The following PIK3CD variants were observed in gnomAD, a reference collection of about 807,000 sequenced individuals.
PIK3CD encodes phosphatidylinositol 4,5-bisphosphate 3-kinase catalytic subunit delta isoform.
In PIK3CD, 20 loss-of-function variants were observed where a neutral mutation model predicts 122.9. That is an observed-to-expected ratio of 0.16 (90% CI 0.11 to 0.24). The LOEUF (loss-of-function observed/expected upper bound fraction) is 0.24. Ranked by LOEUF, PIK3CD falls within the 10% of genes least tolerant of loss-of-function variation. The pLI is 1.00. For synonymous variants in PIK3CD, 596 were observed against 593.4 expected (o/e 1.00, Z -0.06); for missense variants, 787 against 1,406.3 (o/e 0.56, Z 7.04).
At chr1:9,646,727 C>T in the PIK3CD span, among the ~76,000 whole-genome samples, 3 of 151,742 alleles carry the variant, frequency 2.0e-5, no homozygotes, top group South Asian at 2.1e-4. Context: ...CCGAGGCGGG[C>T]GGATCACCTG....
upstream of PIK3CD, among the ~76,000 whole-genome samples, chr1:9,649,695 G>A (rs1020128235): frequency 1.3e-5 from 2 of 152,238 alleles, no homozygotes; most frequent in African/African-American, 4.8e-5. Context: ...CTGGATTGAA[G>A]AGGGTCCTTT....
chr1:9,647,481 A>ATT (rs143700434), upstream of PIK3CD, among the ~76,000 whole-genome samples: 4 of 139,438 alleles, frequency 2.9e-5, no homozygotes, highest in Admixed American at 7.3e-5. Flanking sequence ...TCATGATTCT[A>ATT]ATTATTATTA....
the PIK3CD span, among the ~76,000 whole-genome samples, chr1:9,643,189 A>C: frequency 6.6e-6 from 1 of 152,080 alleles, no homozygotes; most frequent in East Asian, 1.9e-4. Flanking sequence ...CAGGTGGATC[A>C]CCGGAGGTCG....
At chr1:9,713,009 C>G (rs1647118449) in intron 3 of PIK3CD, among the ~76,000 whole-genome samples, 1 of 152,040 alleles carries the variant, frequency 6.6e-6, no homozygotes, top group Non-Finnish European at 1.5e-5. Context: ...AGGTGAATCC[C>G]CATCTCTACT....
chr1:9,726,097 C>T (rs1182044849), intron 23 of PIK3CD, among the ~76,000 whole-genome samples: 2 of 152,102 alleles, frequency 1.3e-5, no homozygotes, highest in Non-Finnish European at 2.9e-5. Flanking sequence ...CCTGTAATCC[C>T]AGCTACTCAT....
chr1:9,715,538 C>T lies in PIK3CD; in HGVS notation c.142-3C>T, dbSNP rs201635199. On this transcript the variant is annotated splice_polypyrimidine_tract_variant and splice_region_variant and intron_variant, in intron 3 of 23. Transcript: ENST00000377346. This position sits in a 1 kb window ranked among gnomAD's most constrained non-coding sequence, Gnocchi z 4.1. ...AGGGGCTGACCGGTGACTGTCCCTC[C>T]AGCTGCTGTGGCACCGCGCCCAGTA... The T allele has an allele frequency of 2.4e-5, 39 of 1,612,722 alleles. No individual in the cohort carries two copies. In the African/African-American group the frequency reaches 4.4e-4, roughly 18 times the overall value.
intron 23 of PIK3CD, 147 bp from the exon 24 acceptor site, chr1:9,726,762 G>A (rs186126613): frequency 4.0e-6 from 4 of 994,636 alleles, no homozygotes; most frequent in Admixed American, 4.6e-5. Context: ...ATTTGAGGGT[G>A]GGAGCGGAAT....
chr1:9,678,923 C>T (rs1456575624), intron 1 of PIK3CD, among the ~76,000 whole-genome samples: 4 of 152,172 alleles, frequency 2.6e-5, no homozygotes, highest in Non-Finnish European at 5.9e-5. Flanking sequence ...ACTGTATCAT[C>T]GGCTCATTTC....
intron 1 of PIK3CD, among the ~76,000 whole-genome samples, chr1:9,655,425 T>TA (rs1644819525): frequency 6.9e-6 from 1 of 144,898 alleles, no homozygotes; most frequent in African/African-American, 2.6e-5. Flanking sequence ...ATGGAAAAAA[T>TA]AAAAAACCCA....
chr1:9,649,366 A>C (rs1198099525), upstream of PIK3CD, among the ~76,000 whole-genome samples: 1 of 151,784 alleles, frequency 6.6e-6, no homozygotes, highest in Non-Finnish European at 1.5e-5. Context: ...GAGAATCTGG[A>C]ACTACAGGTG....
Position 9,689,629 on chromosome 1 carries a change from T to A in PIK3CD, c.-137-1838T>A, listed in dbSNP as rs1369464014. On this transcript the variant is annotated intron_variant, in intron 1 of 23. Transcript: ENST00000377346. This position sits in a 1 kb window ranked among gnomAD's most constrained non-coding sequence, Gnocchi z 6.1. ...CGGCCCCGCGCCGCTGCCCGGAGGC[T>A]GGCGTCTTCCCGTCACTCCGGGACC... Among the ~76,000 whole-genome samples, 17 of 150,936 alleles carry A rather than the reference T, an allele frequency of 1.1e-4. No homozygotes were observed. The highest frequency in any genetic ancestry group is 1.1e-3 in the Admixed American group (17 of 15,182).
intron 13 of PIK3CD, 108 bp downstream of exon 13, chr1:9,721,017 A>T: frequency 7.0e-7 from 1 of 1,422,132 alleles, no homozygotes; most frequent in Non-Finnish European, 9.6e-7. Flanking sequence ...GCCAACCTTC[A>T]CCCTGACCCT....
rs942727663 is a variant in PIK3CD at position 9,688,669 on chromosome 1, T to A, written c.-137-2798T>A. Among the ~76,000 whole-genome samples, 14 of 152,140 alleles carry A rather than the reference T, an allele frequency of 9.2e-5. No homozygotes were observed. The East Asian group carries it at 1.9e-3, about 21-fold the overall frequency. On this transcript the variant is annotated intron_variant, in intron 1 of 23. Coordinates refer to ENST00000377346, the MANE Select transcript of PIK3CD (RefSeq NM_005026.5). Reference sequence around the variant, plus strand: ...GTTAGACCCCCGCCTCTACAAAAAATTTTAAAAAATTAGCTGAGTGAGGTG... The same window carrying A: ...GTTAGACCCCCGCCTCTACAAAAAAATTTAAAAAATTAGCTGAGTGAGGTG...
intron 14 of PIK3CD, 65 bp from the exon 15 acceptor site, chr1:9,721,379 C>T: frequency 6.2e-7 from 1 of 1,609,434 alleles, no homozygotes; most frequent in Non-Finnish European, 8.5e-7. Context: ...CCTCTGGCTG[C>T]CGAGGGAGCT....
the PIK3CD span, among the ~76,000 whole-genome samples, chr1:9,637,455 G>T: frequency 6.6e-6 from 1 of 152,178 alleles, no homozygotes; most frequent in African/African-American, 2.4e-5. Context: ...GATCGAGGCT[G>T]CACTGAGCCA....
chr1:9,717,744 A>C lies in PIK3CD; in HGVS notation c.1020+118A>C, dbSNP rs1570367349. The C allele has an allele frequency of 1.1e-6, 1 of 919,222 alleles. No homozygotes were observed. Among genetic ancestry groups the C allele is most frequent in the Non-Finnish European group, 1.7e-6 (1 of 576,142 alleles). 56.9% of individuals were successfully genotyped at this position (919,222 alleles called of 1,614,324 possible). On this transcript the variant is annotated intron_variant, in intron 8 of 23. Transcript: ENST00000377346. This position sits in a 1 kb window ranked among gnomAD's most constrained non-coding sequence, Gnocchi z 5.4. ...CACATGAAAGCCACCTGACCACATT[A>C]CCCAGCATCCCTGCCTGGGGCGCTG...
chr1:9,654,928 G>T (rs1459423605), intron 1 of PIK3CD, among the ~76,000 whole-genome samples: 1 of 152,056 alleles, frequency 6.6e-6, no homozygotes, highest in Non-Finnish European at 1.5e-5. Flanking sequence ...TTAGCTGGGC[G>T]TGGTGATGAG....
intron 2 of PIK3CD, among the ~76,000 whole-genome samples, chr1:9,696,725 CAAA>C (rs201750410): frequency 2.5e-5 from 3 of 119,304 alleles, no homozygotes; most frequent in Admixed American, 8.8e-5. Flanking sequence ...GACCCTGTCC[CAAA>C]AAAAAAAAAA....
At chr1:9,656,762 G>A (rs1303165845) in intron 1 of PIK3CD, among the ~76,000 whole-genome samples, 6 of 152,110 alleles carry the variant, frequency 3.9e-5, no homozygotes, top group Non-Finnish European at 7.3e-5. Flanking sequence ...GGCCAACATG[G>A]TGAAGCCCCG....
Sources: allele counts gnomAD v4.1 joint callset (sites outside exome capture counted in the v4.1 genomes callset), GRCh38; gene constraint gnomAD v4.1.1; non-coding constraint Gnocchi (gnomAD v3.1); transcripts MANE v1.5; gene names NCBI Gene and HGNC (gene_info 2026-07-23, HGNC 2026-07-21).